SPRED2: variants seen among roughly 807,000 people sequenced by gnomAD.
SPRED2 encodes sprouty related EVH1 domain containing 2.
Under a neutral mutation model 43.0 loss-of-function variants are expected in SPRED2, and 47 were observed. The observed-to-expected ratio is 1.09, with a 90% CI of 0.87 to 1.40. SPRED2 has a LOEUF of 1.40. Among genes scored for constraint, SPRED2 ranks in the 40% most tolerant of loss-of-function variants. The pLI is 0.00. For missense variants in SPRED2, 561 were observed against 586.4 expected (o/e 0.96, Z 0.45); for synonymous variants, 225 against 225.7 (o/e 1.00, Z 0.03).
intron 3 of SPRED2, among the ~76,000 whole-genome samples, chr2:65,333,056 A>G (rs1673860349): frequency 6.6e-6 from 1 of 152,136 alleles, no homozygotes; most frequent in Non-Finnish European, 1.5e-5. Flanking sequence ...TCACGAGGTC[A>G]GGAGTTCAAG....
At chr2:65,397,777 T>C (rs1180248412) in intron 1 of SPRED2, among the ~76,000 whole-genome samples, 2 of 152,132 alleles carry the variant, frequency 1.3e-5, no homozygotes, top group Admixed American at 6.5e-5. Context: ...GCTACATGGA[T>C]GAGTAGAATC....
In SPRED2 at chr2:65,374,853, G is replaced by A. The variant is rs142006507; in HGVS notation, c.27-29957C>T. On this transcript the variant is annotated intron_variant, in intron 1 of 5. Coordinates refer to ENST00000356388, the MANE Select transcript of SPRED2 (RefSeq NM_181784.3). ...CCTGCATTCTGCATAGGGGAGGCAT[G>A]TGTGGAGAGCACCCAACTTGTTTCG... Among the ~76,000 whole-genome samples the A allele has an allele frequency of 7.5e-4, 114 of 152,364 alleles. 1 individual carries two copies. The East Asian group carries it at 0.022, about 29-fold the overall frequency.
At chr2:65,325,118 A>G (rs767262804) in intron 4 of SPRED2, among the ~76,000 whole-genome samples, 33 of 152,338 alleles carry the variant, frequency 2.2e-4, no homozygotes, top group South Asian at 6.2e-4. Flanking sequence ...GAGGGCTGGC[A>G]ATGTGTAATT....
chr2:65,431,943 A>C lies in SPRED2; in HGVS notation c.26+19T>G, dbSNP rs200052733. 168 of 1,612,552 alleles carry C rather than the reference A, an allele frequency of 1.0e-4. No homozygotes were observed. The African/African-American group carries it at 2.1e-3, about 20-fold the overall frequency. On this transcript the variant is annotated intron_variant, in intron 1 of 5. Transcript: ENST00000356388. The stretch of plus-strand genomic sequence containing the variant: ...TGCCCCTGAGGGGCACCCTCGTCCC[A>C]CCCCGCGACCAAACTTACTCGTCTG...
At chr2:65,404,216 AAAG>A (rs1374925043) in intron 1 of SPRED2, among the ~76,000 whole-genome samples, 9 of 151,942 alleles carry the variant, frequency 5.9e-5, no homozygotes, top group Non-Finnish European at 8.8e-5. Context: ...AAAAAAAAAA[AAAG>A]AAAGAAAGAA....
At chr2:65,322,325 G>T (rs1673456779) in intron 4 of SPRED2, among the ~76,000 whole-genome samples, 1 of 97,278 alleles carries the variant, frequency 1.0e-5, no homozygotes, top group Non-Finnish European at 1.9e-5. Flanking sequence ...ACGGAGTCTT[G>T]CTCCGTTGCC....
rs746439810 is a variant in SPRED2, at chr2:65,316,756, G to T, written c.566C>A (p.Thr189Lys). Residue 189 changes from threonine (T) to lysine (K), a missense_variant, in exon 5 of 6, where the codon ACA (threonine) becomes AAA (lysine). By Grantham distance (78) the Thr-to-Lys change is moderately conservative. Around this residue, in one of 6 missense-constraint regions of SPRED2, gnomAD observed 305 missense variants for 282.4 expected, o/e 1.08. Transcript: ENST00000356388. ...CACCTGATCGAGGTGATAGTGGTCT[G>T]TGGGGTATGAGTCGTGGAGGTGGCC... Reference protein sequence around the residue: ...TLGHLHDSYPTDHYHLDQPMP... With the variant: ...TLGHLHDSYPKDHYHLDQPMP... The T allele has an allele frequency of 5.6e-6, 9 of 1,611,736 alleles. No homozygotes were observed.
At chr2:65,402,547 G>A (rs1327568139) in intron 1 of SPRED2, among the ~76,000 whole-genome samples, 3 of 152,214 alleles carry the variant, frequency 2.0e-5, no homozygotes, top group African/African-American at 7.2e-5. Flanking sequence ...CAGATGGGAT[G>A]TGAAGTCATA....
At chr2:65,409,557 A>G (rs1182403702) in intron 1 of SPRED2, among the ~76,000 whole-genome samples, 1 of 152,138 alleles carries the variant, frequency 6.6e-6, no homozygotes, top group Non-Finnish European at 1.5e-5. Context: ...CTATAATAAC[A>G]CAGCTTTTAG....
At chr2:65,403,287 AAAAGAC>A (rs1311692492) in intron 1 of SPRED2, among the ~76,000 whole-genome samples, 1 of 152,190 alleles carries the variant, frequency 6.6e-6, no homozygotes, top group African/African-American at 2.4e-5. Flanking sequence ...CATTTCCTTT[AAAAGAC>A]AGGGTCTCAC....
intron 1 of SPRED2, among the ~76,000 whole-genome samples, chr2:65,410,279 A>G (rs1490741853): frequency 1.3e-5 from 2 of 152,112 alleles, no homozygotes; most frequent in Non-Finnish European, 2.9e-5. Context: ...CTTCATGTGC[A>G]GGTGTCAAAT....
rs188675619 is a variant in SPRED2, at chr2:65,421,073, T to C, written c.26+10889A>G. Among the ~76,000 whole-genome samples, 8 of 152,308 alleles carry C rather than the reference T, an allele frequency of 5.3e-5. No homozygotes were observed. In the East Asian group the frequency reaches 1.5e-3, roughly 29 times the overall value. On this transcript the variant is annotated intron_variant, in intron 1 of 5. Coordinates refer to ENST00000356388, the MANE Select transcript of SPRED2 (RefSeq NM_181784.3). The stretch of plus-strand genomic sequence containing the variant: ...TTGTCTGACAGTCAGACATTACACA[T>C]ACAGTTTGGGACTTCACATTTCTTT...
In SPRED2 at chr2:65,311,024, G is replaced by T; in HGVS notation, c.*2477C>A. 2 of 984,698 alleles carry T rather than the reference G, an allele frequency of 2.0e-6. No individual in the cohort carries two copies. Among genetic ancestry groups the T allele is most frequent in the Non-Finnish European group, 2.4e-6 (2 of 829,026 alleles). 61.0% of individuals were successfully genotyped at this position (984,698 alleles called of 1,614,324 possible). A position where few individuals can be genotyped will look rare whatever the true frequency, so the allele number is the denominator to read the frequency against. ...TATTATAAAAAAATCAATACAACAG[G>T]GTTTTTAGTATACAGGTAAAGAATG... On this transcript the variant is annotated 3_prime_UTR_variant, in exon 6 of 6. Coordinates refer to ENST00000356388, the MANE Select transcript of SPRED2 (RefSeq NM_181784.3).
intron 4 of SPRED2, among the ~76,000 whole-genome samples, chr2:65,319,809 C>T (rs1473286398): frequency 6.6e-6 from 1 of 152,200 alleles, no homozygotes; most frequent in Non-Finnish European, 1.5e-5. Context: ...CACACTGGCA[C>T]TAAGGGACTC....
downstream of SPRED2, among the ~76,000 whole-genome samples, chr2:65,308,023 C>T (rs1449748087): frequency 1.3e-5 from 2 of 151,958 alleles, no homozygotes; most frequent in African/African-American, 4.8e-5. Context: ...CAAAACCCAG[C>T]CTGTGAGTCC....
At chr2:65,372,914 G>A (rs1470983076) in intron 1 of SPRED2, among the ~76,000 whole-genome samples, 1 of 152,186 alleles carries the variant, frequency 6.6e-6, no homozygotes, top group Non-Finnish European at 1.5e-5. Flanking sequence ...TCTAAGAATA[G>A]TCTTAAGCAG....
intron 1 of SPRED2, among the ~76,000 whole-genome samples, chr2:65,382,223 G>C (rs1675388672): frequency 6.6e-6 from 1 of 152,086 alleles, no homozygotes; most frequent in South Asian, 2.1e-4. Context: ...ACCTCCACAG[G>C]TCCCATGTGG....
At chr2:65,361,413 T>TA (rs953135414) in intron 1 of SPRED2, among the ~76,000 whole-genome samples, 12 of 152,228 alleles carry the variant, frequency 7.9e-5, no homozygotes, top group African/African-American at 2.9e-4. Flanking sequence ...AGAAGAAAGT[T>TA]AAACAAAATA....
rs369324471 is a variant in SPRED2, at chr2:65,314,133, C to G, written c.625G>C (p.Asp209His). The G allele has an allele frequency of 1.9e-6, 3 of 1,602,814 alleles. No homozygotes were observed. The highest frequency in any genetic ancestry group is 2.6e-6 in the Non-Finnish European group (3 of 1,170,894). ...ATGCGCACGATCTCCTCGTCGTCGT[C>G]CGGGAAGCTCACCTGGCGGTAGGGC... is the stretch of plus-strand genomic sequence containing the variant. ...PRPYRQVSFP[D>H]DDEEIVRINP... Residue 209 changes from aspartate (D) to histidine (H), a missense_variant, in exon 6 of 6, where the codon GAC (aspartate) becomes CAC (histidine). Physicochemically the swap from Asp to His is moderately conservative, Grantham distance 81. Coordinates refer to ENST00000356388, the MANE Select transcript of SPRED2 (RefSeq NM_181784.3).
Sources: gnomAD v4.1 joint callset for allele counts (sites outside exome capture counted in the v4.1 genomes callset) on GRCh38, gnomAD v4.1.1 for gene constraint, gnomAD v4.1.1 regional missense constraint, MANE v1.5 for transcripts, NCBI Gene and HGNC (gene_info 2026-07-23, HGNC 2026-07-21) for gene names.